KAZN: variants seen among roughly 807,000 people sequenced by gnomAD.
KAZN encodes the protein kazrin, periplakin interacting protein.
KAZN carries 40 observed loss-of-function variants against 87.4 expected under a neutral mutation model. The observed-to-expected ratio is 0.46, with a 90% CI of 0.36 to 0.60. KAZN has a LOEUF of 0.60. Among genes scored for constraint, KAZN ranks in the 20% least tolerant of loss-of-function variants. The pLI is 0.00. For synonymous variants in KAZN, 466 were observed against 458.3 expected, an observed-to-expected ratio of 1.02 and a Z score of -0.22; for missense variants, 898 against 1,073.9, an observed-to-expected ratio of 0.84 and a Z score of 2.29.
At chr1:14,428,177 T>TTC (rs1665846830) in intron 2 of KAZN, among the ~76,000 whole-genome samples, 1 of 152,238 alleles carries the variant, frequency 6.6e-6, no homozygotes, top group Non-Finnish European at 1.5e-5. Flanking sequence ...AGTTAGCACA[T>TTC]TCTCTGCTCT....
intron 6 of KAZN, chr1:15,060,916 G>A (rs1337599980): frequency 6.6e-6 from 1 of 152,400 alleles, no homozygotes; most frequent in African/African-American, 2.4e-5. Flanking sequence ...GAGGACAGTT[G>A]GAAGCCATGT....
intron 1 of KAZN, among the ~76,000 whole-genome samples, chr1:13,960,652 C>G (rs549902333): frequency 5.3e-5 from 8 of 152,170 alleles, no homozygotes; most frequent in Non-Finnish European, 8.8e-5. Flanking sequence ...TTTCCCAAAT[C>G]GGCTTGTATT....
At chr1:14,387,206 A>T (rs1351313974) in intron 2 of KAZN, among the ~76,000 whole-genome samples, 1 of 152,004 alleles carries the variant, frequency 6.6e-6, no homozygotes, top group Non-Finnish European at 1.5e-5. Context: ...TTCTAGTTAT[A>T]CATTCTTCTA....
intron 1 of KAZN, among the ~76,000 whole-genome samples, chr1:14,090,613 A>G (rs1643954620): frequency 6.6e-6 from 1 of 152,182 alleles, no homozygotes. Flanking sequence ...TACTGGAGCA[A>G]CTAGGACTGA....
chr1:13,894,088 C>A (rs973509754), intron 1 of KAZN, among the ~76,000 whole-genome samples: 17 of 152,164 alleles, frequency 1.1e-4, no homozygotes, highest in Non-Finnish European at 2.5e-4. Context: ...TGATGCCATG[C>A]TGTGGCCATC....
intron 1 of KAZN, among the ~76,000 whole-genome samples, chr1:14,959,805 G>A (rs1368209708): frequency 6.6e-6 from 1 of 152,160 alleles, no homozygotes; most frequent in Non-Finnish European, 1.5e-5. Flanking sequence ...GCATGGGTGT[G>A]TCTATCCGCC....
chr1:14,376,647 G>C (rs1197863978), intron 2 of KAZN, among the ~76,000 whole-genome samples: 1 of 152,146 alleles, frequency 6.6e-6, no homozygotes, highest in Admixed American at 6.5e-5. Context: ...GGACTAAAAT[G>C]ATGAGAAATA....
In KAZN at chr1:15,076,787, C is replaced by A. The variant is rs556193385; in HGVS notation, c.1222+11034C>A. ...GCAAACATTAGCCGTCACGACTGCA[C>A]TGCCTCGCGAGCAAGCTGGAATTAC... is the stretch of plus-strand genomic sequence containing the variant. On this transcript the variant is annotated intron_variant, in intron 8 of 14. Transcript: ENST00000376030. Among the ~76,000 whole-genome samples, 719 of 152,360 alleles carry A rather than the reference C, an allele frequency of 4.7e-3. 7 individuals carry two copies. The highest frequency in any genetic ancestry group is 0.015 in the African/African-American group (618 of 41,582).
At chr1:15,012,582 G>GAC (rs1202784598) in intron 2 of KAZN, among the ~76,000 whole-genome samples, 1 of 152,174 alleles carries the variant, frequency 6.6e-6, no homozygotes, top group East Asian at 1.9e-4. Flanking sequence ...GAGATAAGAA[G>GAC]ACACACACAG....
chr1:14,309,493 G>T (rs577366814), intron 2 of KAZN, among the ~76,000 whole-genome samples: 2 of 152,184 alleles, frequency 1.3e-5, no homozygotes, highest in East Asian at 1.9e-4. Context: ...CAGGGGCCTT[G>T]GAGGCCACAG....
At chr1:14,006,504 C>T (rs994991291) in intron 1 of KAZN, among the ~76,000 whole-genome samples, 25 of 152,160 alleles carry the variant, frequency 1.6e-4, no homozygotes, top group African/African-American at 6.0e-4. Context: ...GTCTTGAATT[C>T]ATTTTTAGCA....
At chr1:14,274,822 G>A (rs974488001) in intron 2 of KAZN, among the ~76,000 whole-genome samples, 2 of 152,012 alleles carry the variant, frequency 1.3e-5, no homozygotes, top group African/African-American at 4.8e-5. Flanking sequence ...GTATCTAGAG[G>A]GAGCTCAATA....
At chr1:14,623,927 A>G (rs1572071842) in intron 1 of KAZN, among the ~76,000 whole-genome samples, 1 of 152,132 alleles carries the variant, frequency 6.6e-6, no homozygotes, top group East Asian at 1.9e-4. Flanking sequence ...TCCTTTAATA[A>G]TTTTTGAGAC....
At chr1:13,961,276 C>G (rs139336182) in intron 1 of KAZN, among the ~76,000 whole-genome samples, 2,458 of 152,258 alleles carry the variant, frequency 0.016, 33 homozygotes, top group Non-Finnish European at 0.024. Flanking sequence ...AAGAATAAAC[C>G]ATAAACCAGA....
intron 2 of KAZN, among the ~76,000 whole-genome samples, chr1:14,416,992 G>T (rs1028217715): frequency 8.5e-6 from 1 of 116,988 alleles, no homozygotes; most frequent in Admixed American, 1.1e-4. Context: ...GTATATATAT[G>T]TGTGTATGTA....
At chr1:14,416,241 A>AGG (rs1185207265) in intron 2 of KAZN, among the ~76,000 whole-genome samples, 2 of 152,150 alleles carry the variant, frequency 1.3e-5, no homozygotes, top group East Asian at 3.9e-4. Flanking sequence ...ATCTAACTCT[A>AGG]GGGGACCATC....
At position 14,063,627 on chromosome 1, in the gene KAZN, C is replaced by T. The variant is rs569892460; in HGVS notation, c.92-116808C>T. Among the ~76,000 whole-genome samples the T allele has an allele frequency of 1.1e-4, 17 of 152,164 alleles. No homozygotes were observed. The East Asian group carries it at 1.2e-3, about 10-fold the overall frequency. On this transcript the variant is annotated intron_variant, in intron 1 of 16. Transcript: ENST00000636203. Reference sequence around the variant, plus strand: ...TTCAGAAGTATTTAAAAGTACATTACGGTGGGACTTATATAGAGGTTTCAG... The same window carrying T: ...TTCAGAAGTATTTAAAAGTACATTATGGTGGGACTTATATAGAGGTTTCAG...
intron 2 of KAZN, among the ~76,000 whole-genome samples, chr1:14,327,335 C>T (rs1656508095): frequency 6.6e-6 from 1 of 152,096 alleles, no homozygotes. Context: ...CTCCTGAGCC[C>T]CAGCCACCAC....
chr1:15,104,134 C>T lies in KAZN; in HGVS notation c.1993C>T (p.His665Tyr). Residue 665 changes from histidine to tyrosine, a missense_variant, in exon 13 of 15, where the codon CAC becomes TAC. Physicochemically the swap from His to Tyr is moderately conservative, Grantham distance 83. This residue lies in a region of KAZN where 521 missense variants were observed against 689.4 expected (regional missense o/e 0.76). Transcript: ENST00000376030. ...ATALGIPSGK[H>Y]ILRRHLAEEM... ...TGCCCTGGGCATCCCCAGTGGGAAG[C>T]ACATCCTCCGGAGACACCTGGCAGA... 3.1e-6 allele frequency: 5 copies of T among 1,607,840 alleles called. No homozygotes were observed. Among genetic ancestry groups the T allele is most frequent in the Non-Finnish European group, 4.2e-6 (5 of 1,177,390 alleles).
Sources: gnomAD v4.1 joint callset for allele counts (sites outside exome capture counted in the v4.1 genomes callset) on GRCh38, gnomAD v4.1.1 for gene constraint, gnomAD v4.1.1 regional missense constraint, MANE v1.5 for transcripts, NCBI Gene and HGNC (gene_info 2026-07-23, HGNC 2026-07-21) for gene names.